The following PTPN5 variants were observed in gnomAD, a reference collection of about 807,000 sequenced individuals.
The protein encoded by PTPN5 is protein tyrosine phosphatase non-receptor type 5, also known as tyrosine-protein phosphatase non-receptor type 5.
Under a neutral mutation model 73.9 loss-of-function variants are expected in PTPN5, and 29 were observed. That is an observed-to-expected ratio of 0.39 (90% CI 0.29 to 0.54). PTPN5 has a LOEUF of 0.54. PTPN5 is among the 20% of genes least tolerant of loss of function. The pLI, the probability that PTPN5 is intolerant of heterozygous loss-of-function variation, is 0.65. For synonymous variants in PTPN5, 267 were observed against 304.7 expected (o/e 0.88, Z 1.29); for missense variants, 652 against 751.4 (o/e 0.87, Z 1.55).
chr11:18,783,793 G>A (rs1453534787), intron 1 of PTPN5, among the ~76,000 whole-genome samples: 1 of 152,152 alleles, frequency 6.6e-6, no homozygotes, highest in Non-Finnish European at 1.5e-5. Context: ...ATTGCTGAGG[G>A]CCTTGTGTCC....
At chr11:18,764,595 A>G (rs1428220595) in intron 3 of PTPN5, among the ~76,000 whole-genome samples, 1 of 152,224 alleles carries the variant, frequency 6.6e-6, no homozygotes, top group Non-Finnish European at 1.5e-5. Context: ...GTCTATCTTA[A>G]AGAGTATCAC....
intron 12 of PTPN5, 92 bp downstream of exon 12, chr11:18,732,500 A>T (rs1358586618): frequency 1.0e-5 from 9 of 879,650 alleles, no homozygotes; most frequent in Non-Finnish European, 1.8e-6. Flanking sequence ...TATGTCAGTT[A>T]CAGTGGACTT....
At chr11:18,760,111 G>A (rs1374745980) in intron 3 of PTPN5, among the ~76,000 whole-genome samples, 1 of 152,074 alleles carries the variant, frequency 6.6e-6, no homozygotes, top group African/African-American at 2.4e-5. Context: ...TTAGGAGCAG[G>A]GACCATGTCT....
Position 18,742,985 on chromosome 11 carries a change from G to T in PTPN5, c.483+7C>A. ...AGCCTTGAGGTTGGGGTCAGGAGGC[G>T]CCTTACCAGGGTGGTAACGAGGACC... is the stretch of plus-strand genomic sequence containing the variant. On this transcript the variant is annotated splice_region_variant and intron_variant, in intron 6 of 14. Coordinates refer to ENST00000358540, the MANE Select transcript of PTPN5 (RefSeq NM_006906.2). The surrounding 1 kb of genome is among the most constrained non-coding windows in gnomAD (Gnocchi z 4.1). 6.5e-7 allele frequency: 1 copy of T among 1,537,684 alleles called. No homozygotes were observed. The highest frequency in any genetic ancestry group is 8.8e-7 in the Non-Finnish European group (1 of 1,134,324).
intron 3 of PTPN5, among the ~76,000 whole-genome samples, chr11:18,755,908 G>A (rs1294337046): frequency 2.0e-5 from 3 of 150,056 alleles, no homozygotes; most frequent in Non-Finnish European, 4.4e-5. Context: ...GAAGGCTGAG[G>A]CAGGAGAATT....
chr11:18,742,125 G>A lies in PTPN5; in HGVS notation c.725+137C>T, dbSNP rs1849389343. 1.7e-6 allele frequency: 2 copies of A among 1,189,972 alleles called. No individual in the cohort carries two copies. The highest frequency in any genetic ancestry group is 3.0e-5 in the African/African-American group (2 of 65,938). The allele number at this position is 1,189,972 out of a possible 1,614,324, so 73.7% of individuals were successfully genotyped here. A position where few individuals can be genotyped will look rare whatever the true frequency, so the allele number is the denominator to read the frequency against. On this transcript the variant is annotated intron_variant, in intron 7 of 14. Transcript: ENST00000358540. This position sits in a 1 kb window ranked among gnomAD's most constrained non-coding sequence, Gnocchi z 4.1. ...TTGATCTCTATGAATGACCTGGATA[G>A]CACATGTCTACACTGGCTAAGCTAT...
chr11:18,775,611 T>A (rs114927867), intron 1 of PTPN5, among the ~76,000 whole-genome samples: 2,193 of 152,222 alleles, frequency 0.014, 49 homozygotes, highest in African/African-American at 0.05. Flanking sequence ...GGAGCCTGTG[T>A]TGGTGGCAGC....
chr11:18,761,305 C>T (rs1850379858), intron 3 of PTPN5, among the ~76,000 whole-genome samples: 1 of 152,192 alleles, frequency 6.6e-6, no homozygotes, highest in Non-Finnish European at 1.5e-5. Flanking sequence ...TCCGCGGCAG[C>T]TGCTGGGAGC....
chr11:18,771,150 A>G lies in PTPN5; in HGVS notation c.20+789T>C, dbSNP rs117450163. 3.7e-4 allele frequency among the ~76,000 whole-genome samples: 57 copies of G among 152,220 alleles called. No individual in the cohort carries two copies. The East Asian group carries it at 6.2e-3, about 17-fold the overall frequency. On this transcript the variant is annotated intron_variant, in intron 2 of 14. Transcript: ENST00000358540. Reference sequence around the variant, plus strand: ...GTGAGGCTGAGCCAAGCCCAGGCAGACATGCCCTCTATCCTGGGCTTTGTG... The same window carrying G: ...GTGAGGCTGAGCCAAGCCCAGGCAGGCATGCCCTCTATCCTGGGCTTTGTG...
At chr11:18,738,246 A>G (rs1461178976) in intron 8 of PTPN5, among the ~76,000 whole-genome samples, 1 of 152,204 alleles carries the variant, frequency 6.6e-6, no homozygotes, top group Non-Finnish European at 1.5e-5. Context: ...GAAAAAGACA[A>G]AAAGTGACCT....
intron 3 of PTPN5, chr11:18,749,391 C>T (rs1448186007): frequency 1.9e-6 from 1 of 518,350 alleles, no homozygotes; most frequent in Non-Finnish European, 3.8e-6. Context: ...CCAGGGCTTT[C>T]CAGCATCAAG....
intron 1 of PTPN5, among the ~76,000 whole-genome samples, chr11:18,774,077 G>A (rs1233573575): frequency 6.6e-6 from 1 of 152,218 alleles, no homozygotes; most frequent in East Asian, 1.9e-4. Flanking sequence ...CTGGGGATAG[G>A]TCTTCACTCT....
intron 3 of PTPN5, among the ~76,000 whole-genome samples, chr11:18,746,906 C>G (rs771811240): frequency 6.6e-6 from 1 of 152,326 alleles, no homozygotes; most frequent in East Asian, 1.9e-4. Flanking sequence ...ACACAGTTGA[C>G]AGGTGATGCC....
chr11:18,776,660 T>C (rs181536702), intron 1 of PTPN5, among the ~76,000 whole-genome samples: 7 of 152,304 alleles, frequency 4.6e-5, no homozygotes, highest in Admixed American at 3.3e-4. Flanking sequence ...CTAAGTCACC[T>C]GCTCAAGGTC....
chr11:18,736,143 A>G (rs1355540457), intron 9 of PTPN5, among the ~76,000 whole-genome samples: 3 of 152,138 alleles, frequency 2.0e-5, no homozygotes, highest in Middle Eastern at 3.2e-3. Flanking sequence ...CATTCATTCA[A>G]ATAGGTGCAG....
chr11:18,743,168 G>T, intron 5 of PTPN5, 93 bp from the exon 6 acceptor site: 1 of 1,229,318 alleles, frequency 8.1e-7, no homozygotes, highest in Non-Finnish European at 1.2e-6. Context: ...TGAAAATCAC[G>T]TCCCAGGTCT....
chr11:18,729,253 T>C lies in PTPN5; in HGVS notation c.1604+200A>G, dbSNP rs1848761684. 6.6e-6 allele frequency among the ~76,000 whole-genome samples: 1 copy of C among 151,660 alleles called. No homozygotes were observed. The highest frequency in any genetic ancestry group is 6.6e-5 in the Admixed American group (1 of 15,246). On this transcript the variant is annotated intron_variant, in intron 14 of 14. Coordinates refer to ENST00000358540, the MANE Select transcript of PTPN5 (RefSeq NM_006906.2). This position sits in a 1 kb window ranked among gnomAD's most constrained non-coding sequence, Gnocchi z 5.2. ...CTTTTATCCACCAGCTCTGCTTTTCTTCCCTCTTCATCTGGCCCCCCACTG... is the reference window on the plus strand; with the variant it reads ...CTTTTATCCACCAGCTCTGCTTTTCCTCCCTCTTCATCTGGCCCCCCACTG...
chr11:18,739,543 C>CA (rs2134212561), intron 8 of PTPN5, among the ~76,000 whole-genome samples: 1 of 152,266 alleles, frequency 6.6e-6, no homozygotes, highest in African/African-American at 2.4e-5. Flanking sequence ...ATGGTGTATG[C>CA]AGGTGGTACC....
At chr11:18,754,697 T>TC (rs752851251) in intron 3 of PTPN5, among the ~76,000 whole-genome samples, 2 of 152,118 alleles carry the variant, frequency 1.3e-5, no homozygotes, top group Non-Finnish European at 2.9e-5. Flanking sequence ...TACGAAGACC[T>TC]CCCCCTACAA....
Sources: gnomAD v4.1 joint callset for allele counts (sites outside exome capture counted in the v4.1 genomes callset) on GRCh38, gnomAD v4.1.1 for gene constraint, Gnocchi (gnomAD v3.1) non-coding constraint, MANE v1.5 for transcripts, NCBI Gene and HGNC (gene_info 2026-07-23, HGNC 2026-07-21) for gene names.